The following NSMAF variants were observed in gnomAD, a reference collection of about 807,000 sequenced individuals.
NSMAF encodes the protein neutral sphingomyelinase activation associated factor, also known as protein FAN.
In NSMAF, 90 loss-of-function variants were observed where a neutral mutation model predicts 134.9. The ratio of observed to expected loss-of-function variants is 0.67; its 90% CI spans 0.56 to 0.79. NSMAF has a LOEUF of 0.79. Ranked by LOEUF, NSMAF falls within the 30% of genes least tolerant of loss-of-function variation. The probability of loss-of-function intolerance (pLI) is 0.00; values close to 1 mark genes in which losing one functional copy is unlikely to be tolerated. For missense variants in NSMAF, 1,010 were observed against 1,119.0 expected, an observed-to-expected ratio of 0.90 and a Z score of 1.39; for synonymous variants, 358 against 389.6, an observed-to-expected ratio of 0.92 and a Z score of 0.96.
At chr8:58,587,142 C>T (rs1805903940) in intron 27 of NSMAF, among the ~76,000 whole-genome samples, 1 of 152,182 alleles carries the variant, frequency 6.6e-6, no homozygotes, top group South Asian at 2.1e-4. Context: ...GCAGCGTGAC[C>T]CAGAGAAAAC....
rs1805891529 is a variant in NSMAF, at chr8:58,586,600, T to G, written c.2304A>C (p.Thr768=). 5 of 1,612,204 alleles carry G rather than the reference T, an allele frequency of 3.1e-6. No homozygotes were observed. Among genetic ancestry groups the G allele is most frequent in the Non-Finnish European group, 4.2e-6 (5 of 1,179,144 alleles). The stretch of plus-strand genomic sequence containing the variant: ...GTGTGCTTGCAGCATTTAAACTGAT[T>G]GTATCTACCTAAGGAAGAAAACACA... The part of the protein sequence containing the change: ...AELEHDVSVD[T]ISLNAASTLL... The change falls in exon 28 of 31, where the codon ACA becomes ACC. Residue 768 remains threonine, a synonymous_variant. Transcript: ENST00000038176.
intron 7 of NSMAF, 137 bp downstream of exon 7, chr8:58,623,572 T>C: frequency 9.3e-7 from 1 of 1,072,554 alleles, no homozygotes. Flanking sequence ...ATATAGTTTT[T>C]AAACTCAACA....
intron 23 of NSMAF, 24 bp from the exon 24 acceptor site, chr8:58,590,958 T>G: frequency 6.4e-7 from 1 of 1,559,382 alleles, no homozygotes; most frequent in Non-Finnish European, 8.7e-7. Context: ...GAGAAGTAGA[T>G]ATATAAGAAA....
intron 27 of NSMAF, 60 bp from the exon 28 acceptor site, chr8:58,586,668 C>T: frequency 1.4e-6 from 2 of 1,404,546 alleles, no homozygotes; most frequent in South Asian, 2.6e-5. Flanking sequence ...AGCTATGTTT[C>T]TCTAGTCTGG....
At position 58,584,048 on chromosome 8, in the gene NSMAF, T is replaced by G; in HGVS notation, c.*58A>C. 2 of 1,287,322 alleles carry G rather than the reference T, an allele frequency of 1.6e-6. No homozygotes were observed. Among genetic ancestry groups the G allele is most frequent in the Non-Finnish European group, 1.1e-6 (1 of 883,164 alleles). 79.7% of individuals were successfully genotyped at this position (1,287,322 alleles called of 1,614,324 possible). A position where few individuals can be genotyped will look rare whatever the true frequency, so the allele number is the denominator to read the frequency against. On this transcript the variant is annotated 3_prime_UTR_variant, in exon 31 of 31. Transcript: ENST00000038176. ...CACATTCACCAGTCCGTTTAAAAGT[T>G]TGGTTTAAAAATGCATTAAATAGAG...
In NSMAF at chr8:58,644,111, A is replaced by C. The variant is rs140817904; in HGVS notation, c.60-1038T>G. ...GGAAACATCAATGAGTTACAGGCAA[A>C]AGCTTTCATGAAAAGTGTGGGACTT... On this transcript the variant is annotated intron_variant, in intron 1 of 30. Transcript: ENST00000038176. Among the ~76,000 whole-genome samples, 30 of 152,264 alleles carry C rather than the reference A, an allele frequency of 2.0e-4. No individual in the cohort carries two copies. The East Asian group carries it at 4.6e-3, about 23-fold the overall frequency.
At chr8:58,619,314 C>T (rs1041754330) in intron 9 of NSMAF, among the ~76,000 whole-genome samples, 1 of 152,102 alleles carries the variant, frequency 6.6e-6, no homozygotes, top group East Asian at 1.9e-4. Flanking sequence ...GACTGATTCC[C>T]AAATCTCACA....
chr8:58,604,253 A>G (rs1806351005), intron 12 of NSMAF, among the ~76,000 whole-genome samples: 1 of 152,198 alleles, frequency 6.6e-6, no homozygotes, highest in African/African-American at 2.4e-5. Context: ...AAAAAGTATG[A>G]ACAATCTTAG....
intron 1 of NSMAF, among the ~76,000 whole-genome samples, chr8:58,644,077 T>C (rs758721413): frequency 6.6e-6 from 1 of 152,202 alleles, no homozygotes. Flanking sequence ...TGTTTTGTGA[T>C]AAGGACCAGG....
intron 6 of NSMAF, among the ~76,000 whole-genome samples, chr8:58,626,115 G>C (rs1459615192): frequency 1.2e-5 from 1 of 86,416 alleles, no homozygotes; most frequent in African/African-American, 4.9e-5. Flanking sequence ...TTTTTTTTGA[G>C]ATGGAGTCTC....
intron 1 of NSMAF, among the ~76,000 whole-genome samples, chr8:58,650,034 C>A (rs1807548086): frequency 6.6e-6 from 1 of 152,202 alleles, no homozygotes; most frequent in Admixed American, 6.5e-5. Context: ...TGAAATAATT[C>A]TGTGGTTCTA....
In NSMAF at chr8:58,589,437, A is replaced by C. The variant is rs200316138; in HGVS notation, c.2211+15T>G. ...GCACACCAAGTTAAAAAAACTTTTT[A>C]AATTATATATGAACCTTCACTGTAG... is the stretch of plus-strand genomic sequence containing the variant. On this transcript the variant is annotated intron_variant, in intron 26 of 30. Transcript: ENST00000038176. 2,583 of 1,433,392 alleles carry C rather than the reference A, an allele frequency of 1.8e-3. 4 individuals carry two copies. The highest frequency in any genetic ancestry group is 2.1e-3 in the Non-Finnish European group (2,307 of 1,092,300). The allele number at this position is 1,433,392 out of a possible 1,614,324, so 88.8% of individuals were successfully genotyped here.
At chr8:58,599,430 A>T in intron 18 of NSMAF, 67 bp from the exon 19 acceptor site, 1 of 1,533,282 alleles carries the variant, frequency 6.5e-7, no homozygotes. Context: ...TCTCTTGTCT[A>T]TCTATATGTA....
Position 58,597,460 on chromosome 8 carries a change from AG to A in NSMAF, c.1718del (p.Pro573LeufsTer33), listed in dbSNP as rs762385327. The part of the protein sequence containing the change: ...TPKQLFVTPH[P>X]RRITPKFKSL... ...TTTTAAACTTTGGGGTGATCCTTCG[AG>A]GATGTGGTGTCACAAATAGTTGTTT... On this transcript the variant is annotated frameshift_variant, in exon 21 of 31. Transcript: ENST00000038176. LOFTEE classifies it high-confidence loss of function. 4.3e-5 allele frequency: 69 copies of A among 1,614,052 alleles called. No individual in the cohort carries two copies. Among genetic ancestry groups the A allele is most frequent in the Non-Finnish European group, 5.7e-5 (67 of 1,179,990 alleles).
chr8:58,618,835 C>T (rs2129143683), intron 9 of NSMAF, among the ~76,000 whole-genome samples: 1 of 152,222 alleles, frequency 6.6e-6, no homozygotes, highest in Middle Eastern at 3.4e-3. Flanking sequence ...ACGATGAAAG[C>T]TTATCTTAGC....
chr8:58,585,873 G>C, intron 29 of NSMAF, 25 bp downstream of exon 29: 1 of 1,596,754 alleles, frequency 6.3e-7, no homozygotes, highest in Non-Finnish European at 8.6e-7. Context: ...AAATGTCTTC[G>C]CCCCCAGTAA....
chr8:58,590,556 A>T (rs1805997814), intron 24 of NSMAF, among the ~76,000 whole-genome samples: 1 of 152,260 alleles, frequency 6.6e-6, no homozygotes, highest in South Asian at 2.1e-4. Flanking sequence ...CAACTCAGAG[A>T]TGCATAAATT....
In NSMAF at chr8:58,588,713, C is replaced by A. The variant is rs373271148; in HGVS notation, c.2211+739G>T. The A allele has an allele frequency of 1.5e-4, 232 of 1,537,958 alleles. 2 individuals are homozygous for A. In the East Asian group the frequency reaches 4.9e-3, roughly 32 times the overall value. Reference sequence around the variant, plus strand: ...CAGTTAGTGCAGCGAATAGGCTGCACGTGGCCGCGGCCCTTTTTGGCACGA... The same window carrying A: ...CAGTTAGTGCAGCGAATAGGCTGCAAGTGGCCGCGGCCCTTTTTGGCACGA... On this transcript the variant is annotated intron_variant, in intron 26 of 30. Coordinates refer to ENST00000038176, the MANE Select transcript of NSMAF (RefSeq NM_003580.4).
chr8:58,652,958 C>T (rs78387563), intron 1 of NSMAF, among the ~76,000 whole-genome samples: 3,690 of 152,066 alleles, frequency 0.024, 150 homozygotes, highest in East Asian at 0.08. Context: ...GAATATTGAA[C>T]AAAAACAATG....
Sources: allele counts gnomAD v4.1 joint callset (sites outside exome capture counted in the v4.1 genomes callset), GRCh38; gene constraint gnomAD v4.1.1; transcripts MANE v1.5; gene names NCBI Gene and HGNC (gene_info 2026-07-23, HGNC 2026-07-21).